The following CD86 variants were observed in gnomAD, a reference collection of about 807,000 sequenced individuals.
The protein encoded by CD86 is T-lymphocyte activation antigen CD86.
In CD86, 11 loss-of-function variants were observed where a neutral mutation model predicts 32.1. The observed-to-expected ratio is 0.34, with a 90% CI of 0.22 to 0.57. The LOEUF (loss-of-function observed/expected upper bound fraction) is 0.57, where lower values mean the gene tolerates loss of function less well. CD86 is among the 20% of genes least tolerant of loss of function. The pLI is 0.86. For synonymous variants in CD86, 137 were observed against 135.3 expected (o/e 1.01, Z -0.09); for missense variants, 359 against 398.4 (o/e 0.90, Z 0.84).
At chr3:122,101,792 A>C (rs1277494903) in intron 2 of CD86, among the ~76,000 whole-genome samples, 1 of 152,082 alleles carries the variant, frequency 6.6e-6, no homozygotes, top group Non-Finnish European at 1.5e-5. Context: ...AGCTCAGCAA[A>C]GAAGATGCAG....
chr3:122,082,109 G>A (rs554343439), intron 1 of CD86, among the ~76,000 whole-genome samples: 5 of 152,282 alleles, frequency 3.3e-5, no homozygotes, highest in Admixed American at 6.5e-5. Flanking sequence ...TACTCAATTC[G>A]AGATTCGCTC....
intron 2 of CD86, among the ~76,000 whole-genome samples, chr3:122,096,013 G>A (rs116149640): frequency 6.0e-4 from 92 of 152,224 alleles, no homozygotes; most frequent in African/African-American, 2.0e-3. Flanking sequence ...TTTGTGAGAG[G>A]GGAGTTTTAA....
chr3:122,089,836 A>G (rs2072784375), intron 1 of CD86, among the ~76,000 whole-genome samples: 1 of 152,236 alleles, frequency 6.6e-6, no homozygotes, highest in South Asian at 2.1e-4. Context: ...ATAGAATACA[A>G]TAGACTAATA....
At chr3:122,065,576 A>G (rs1022474330) in intron 1 of CD86, among the ~76,000 whole-genome samples, 3 of 152,206 alleles carry the variant, frequency 2.0e-5, no homozygotes, top group Non-Finnish European at 2.9e-5. Flanking sequence ...CCAATGGTGT[A>G]TAAGCTCTCC....
intron 2 of CD86, among the ~76,000 whole-genome samples, chr3:122,102,868 C>A (rs1217359121): frequency 7.0e-6 from 1 of 142,796 alleles, no homozygotes; most frequent in South Asian, 2.1e-4. Flanking sequence ...CATTTGACAT[C>A]CTTGGAAGTG....
intron 1 of CD86, chr3:122,077,811 A>G: frequency 1.0e-6 from 1 of 985,542 alleles, no homozygotes; most frequent in Non-Finnish European, 1.2e-6. Context: ...AAGCAAGAGC[A>G]CTGTCCCTGG....
chr3:122,071,100 C>T (rs868050900), intron 1 of CD86, among the ~76,000 whole-genome samples: 4 of 152,158 alleles, frequency 2.6e-5, no homozygotes, highest in Non-Finnish European at 4.4e-5. Context: ...GTATTTCTTA[C>T]GATCAAGCCA....
intron 5 of CD86, among the ~76,000 whole-genome samples, chr3:122,111,356 C>T (rs981395528): frequency 6.6e-6 from 1 of 152,206 alleles, no homozygotes; most frequent in Non-Finnish European, 1.5e-5. Context: ...ATGCCCCCCA[C>T]AAGACGTCCA....
intron 1 of CD86, among the ~76,000 whole-genome samples, chr3:122,072,710 G>T (rs1186297788): frequency 5.3e-5 from 8 of 151,996 alleles, no homozygotes; most frequent in Non-Finnish European, 1.2e-4. Context: ...ATTTTCTTTT[G>T]CTGTGCAGAA....
intron 1 of CD86, among the ~76,000 whole-genome samples, chr3:122,084,620 C>T (rs934133766): frequency 1.3e-5 from 2 of 152,018 alleles, no homozygotes; most frequent in African/African-American, 4.8e-5. Flanking sequence ...GGACCATTGA[C>T]CCAAACAGCT....
In CD86 at chr3:122,055,431, C is replaced by G; in HGVS notation, c.-59C>G. 6.3e-7 allele frequency: 1 copy of G among 1,576,196 alleles called. No individual in the cohort carries two copies. The highest frequency in any genetic ancestry group is 8.7e-7 in the Non-Finnish European group (1 of 1,145,550). On this transcript the variant is annotated 5_prime_UTR_variant, in exon 1 of 7. Transcript: ENST00000330540. The stretch of plus-strand genomic sequence containing the variant: ...TCTGCTGCTGTAACAGGGACTAGCA[C>G]AGACACACGGATGAGTGGGGTCATT...
chr3:122,120,518 A>C lies in CD86; in HGVS notation c.*984A>C, dbSNP rs1324069679. ...ATGGATAGTCTGTCCAAATGGACAT[A>C]AGACAGACAGCAGTTTCCCTGGTGG... On this transcript the variant is annotated 3_prime_UTR_variant, in exon 7 of 7. Coordinates refer to ENST00000330540, the MANE Select transcript of CD86 (RefSeq NM_175862.5). 2 of 152,362 alleles carry C rather than the reference A, an allele frequency of 1.3e-5. No individual in the cohort carries two copies. The highest frequency in any genetic ancestry group is 3.9e-4 in the East Asian group (2 of 5,182). The allele number at this position is 152,362 out of a possible 1,614,324, so 9.4% of individuals were successfully genotyped here.
At chr3:122,079,833 T>C (rs1040477477) in intron 1 of CD86, among the ~76,000 whole-genome samples, 2 of 152,204 alleles carry the variant, frequency 1.3e-5, no homozygotes, top group Non-Finnish European at 2.9e-5. Context: ...TCGTTCCCTA[T>C]CGGTCCTCCT....
rs1291539010 is a variant in CD86 at position 122,119,778 on chromosome 3, A to G, written c.*244A>G. ...CAGAGCACACTTATGGGCCAAGCCC[A>G]GCTTAATGGCTCATGACCTGGAAAT... is the stretch of plus-strand genomic sequence containing the variant. On this transcript the variant is annotated 3_prime_UTR_variant, in exon 7 of 7. Coordinates refer to ENST00000330540, the MANE Select transcript of CD86 (RefSeq NM_175862.5). 1 of 371,810 alleles carries G rather than the reference A, an allele frequency of 2.7e-6. No homozygotes were observed. The highest frequency in any genetic ancestry group is 4.7e-6 in the Non-Finnish European group (1 of 211,494). The allele number at this position is 371,810 out of a possible 1,614,324, so 23.0% of individuals were successfully genotyped here.
intron 1 of CD86, among the ~76,000 whole-genome samples, chr3:122,072,722 C>T (rs1434183120): frequency 6.6e-6 from 1 of 152,096 alleles, no homozygotes; most frequent in African/African-American, 2.4e-5. Context: ...TGTGCAGAAG[C>T]TCTTTAGTTT....
Position 122,106,429 on chromosome 3 carries a change from C to T in CD86, c.632C>T (p.Thr211Met), listed in dbSNP as rs776283945. ...TTGTCTGTTTCATTCCCTGATGTTA[C>T]GAGCAATATGACCATCTTCTGTATT... ...ISLSVSFPDVTSNMTIFCILE... is the reference protein window; with the variant it reads ...ISLSVSFPDVMSNMTIFCILE... Residue 211 changes from threonine to methionine, a missense_variant, in exon 4 of 7, where the codon ACG becomes ATG. Transcript: ENST00000330540. 19 of 1,613,882 alleles carry T rather than the reference C, an allele frequency of 1.2e-5. 1 individual carries two copies. Among genetic ancestry groups the T allele is most frequent in the African/African-American group, 2.7e-5 (2 of 74,922 alleles).
Position 122,103,714 on chromosome 3 carries a change from T to G in CD86, c.267T>G (p.Asp89Glu). The G allele has an allele frequency of 6.2e-7, 1 of 1,614,062 alleles. No homozygotes were observed. Among genetic ancestry groups the G allele is most frequent in the Non-Finnish European group, 8.5e-7 (1 of 1,179,930 alleles). ...AGTATATGGGCCGCACAAGTTTTGA[T>G]TCGGACAGTTGGACCCTGAGACTTC... Reference protein sequence around the residue: ...HSKYMGRTSFDSDSWTLRLHN... With the variant: ...HSKYMGRTSFESDSWTLRLHN... The change falls in exon 3 of 7, where the codon GAT becomes GAG. Residue 89 changes from aspartate (D) to glutamate (E), a missense_variant. Physicochemically the swap from Asp to Glu is conservative, Grantham distance 45. Coordinates refer to ENST00000330540, the MANE Select transcript of CD86 (RefSeq NM_175862.5).
intron 2 of CD86, among the ~76,000 whole-genome samples, chr3:122,102,799 A>G (rs1353442872): frequency 6.6e-6 from 1 of 152,108 alleles, no homozygotes; most frequent in African/African-American, 2.4e-5. Context: ...TCTCTGAAAG[A>G]GCTTAGAGAG....
chr3:122,066,399 A>G (rs1269000215), intron 1 of CD86, among the ~76,000 whole-genome samples: 1 of 152,150 alleles, frequency 6.6e-6, no homozygotes, highest in Admixed American at 6.5e-5. Flanking sequence ...GCTGCTCAGC[A>G]TTCTGTCCAA....
Sources: gnomAD v4.1 joint callset for allele counts (sites outside exome capture counted in the v4.1 genomes callset) on GRCh38, gnomAD v4.1.1 for gene constraint, MANE v1.5 for transcripts, NCBI Gene and HGNC (gene_info 2026-07-23, HGNC 2026-07-21) for gene names.